Variants in FHIT observed in about 807,000 individuals in gnomAD.
FHIT encodes the protein fragile histidine triad diadenosine triphosphatase.
In FHIT, 19 loss-of-function variants were observed where a neutral mutation model predicts 17.9. The observed-to-expected ratio is 1.06, with a 90% CI of 0.74 to 1.56. The LOEUF (loss-of-function observed/expected upper bound fraction) is 1.56. Ranked by LOEUF, FHIT falls within the 40% of genes most tolerant of loss-of-function variation. The pLI, the probability that FHIT is intolerant of heterozygous loss-of-function variation, is 0.00. For missense variants in FHIT, 248 were observed against 189.2 expected (o/e 1.31, Z -1.82); for synonymous variants, 81 against 69.7 (o/e 1.16, Z -0.81).
chr3:60,655,504 T>C (rs1193191632), intron 4 of FHIT, among the ~76,000 whole-genome samples: 1 of 152,174 alleles, frequency 6.6e-6, no homozygotes, highest in Non-Finnish European at 1.5e-5. Flanking sequence ...AAATGCAGTG[T>C]ACGGAAATGA....
intron 8 of FHIT, among the ~76,000 whole-genome samples, chr3:59,828,467 C>T (rs1323994754): frequency 6.6e-6 from 1 of 152,198 alleles, no homozygotes; most frequent in Non-Finnish European, 1.5e-5. Context: ...TCTTTATACT[C>T]TGAAGCAAAG....
Position 60,752,791 on chromosome 3 carries a change from G to T in FHIT, c.-18+69128C>A, listed in dbSNP as rs188592033. Among the ~76,000 whole-genome samples, 514 of 152,186 alleles carry T rather than the reference G, an allele frequency of 3.4e-3. 3 individuals carry two copies. The highest frequency in any genetic ancestry group is 0.012 in the African/African-American group (481 of 41,514). Reference sequence around the variant, plus strand: ...CTCCCAATTCTATCACCCAGAAGAAGAGAAAGATGCCAAAACAGATCCCAC... The same window carrying T: ...CTCCCAATTCTATCACCCAGAAGAATAGAAAGATGCCAAAACAGATCCCAC... On this transcript the variant is annotated intron_variant, in intron 4 of 9. Coordinates refer to ENST00000492590, the MANE Select transcript of FHIT (RefSeq NM_002012.4).
In FHIT at chr3:60,139,363, G is replaced by A. The variant is rs538017215; in HGVS notation, c.104-125211C>T. Reference sequence around the variant, plus strand: ...TGAGTAAATGCACAGAAACATGACAGACTAATTTAACCAGAGAACTAAAAA... The same window carrying A: ...TGAGTAAATGCACAGAAACATGACAAACTAATTTAACCAGAGAACTAAAAA... On this transcript the variant is annotated intron_variant, in intron 5 of 9. Transcript: ENST00000492590. Among the ~76,000 whole-genome samples, 18 of 143,458 alleles carry A rather than the reference G, an allele frequency of 1.3e-4. No homozygotes were observed. In the South Asian group the frequency reaches 1.6e-3, roughly 13 times the overall value. The allele number at this position is 143,458 out of a possible 152,430, so 94.1% of individuals were successfully genotyped here.
At chr3:60,226,472 C>CAAAAAAAAAAAAAAAAAAAAAAA in intron 5 of FHIT, among the ~76,000 whole-genome samples, 1 of 70,148 alleles carries the variant, frequency 1.4e-5, no homozygotes, top group Non-Finnish European at 2.7e-5. Context: ...AACTCCGTCT[C>CAAAAAAAAAAAAAAAAAAAAAAA]AAAAAAAAAA....
chr3:60,802,013 CAT>C (rs1701209967), intron 4 of FHIT, among the ~76,000 whole-genome samples: 1 of 152,296 alleles, frequency 6.6e-6, no homozygotes, highest in Non-Finnish European at 1.5e-5. Context: ...GGGTTAGAAA[CAT>C]ATAATATCCA....
At chr3:60,372,590 C>T (rs759566411) in intron 5 of FHIT, among the ~76,000 whole-genome samples, 9 of 152,152 alleles carry the variant, frequency 5.9e-5, no homozygotes, top group South Asian at 2.1e-4. Flanking sequence ...AAGTTCGGGC[C>T]GATCTACTTC....
At chr3:60,600,068 G>A (rs1553668240) in intron 4 of FHIT, among the ~76,000 whole-genome samples, 2 of 152,198 alleles carry the variant, frequency 1.3e-5, no homozygotes, top group Admixed American at 6.5e-5. Context: ...CTTTAAGGAA[G>A]CAGCCACTTC....
intron 4 of FHIT, among the ~76,000 whole-genome samples, chr3:60,633,173 T>TCCTCCG (rs1379361240): frequency 6.6e-6 from 1 of 152,112 alleles, no homozygotes; most frequent in Admixed American, 6.5e-5. Context: ...GCCCAAAATA[T>TCCTCCG]CCTCAAAGAC....
intron 3 of FHIT, among the ~76,000 whole-genome samples, chr3:60,975,270 G>A (rs1279030597): frequency 6.6e-6 from 1 of 152,150 alleles, no homozygotes; most frequent in Admixed American, 6.5e-5. Flanking sequence ...ACTCTCTGGA[G>A]AGGCATCTAA....
chr3:60,631,911 T>C (rs2107774216), intron 4 of FHIT, among the ~76,000 whole-genome samples: 1 of 152,268 alleles, frequency 6.6e-6, no homozygotes, highest in Middle Eastern at 3.4e-3. Context: ...TAGCTGTTGT[T>C]TGTACCACAC....
chr3:60,564,922 G>A (rs936855879), intron 4 of FHIT, among the ~76,000 whole-genome samples: 1 of 152,058 alleles, frequency 6.6e-6, no homozygotes, highest in African/African-American at 2.4e-5. Flanking sequence ...TGAGTAAAAT[G>A]CTATTAAATA....
intron 5 of FHIT, among the ~76,000 whole-genome samples, chr3:60,352,257 G>A (rs1699443431): frequency 6.6e-6 from 1 of 152,128 alleles, no homozygotes; most frequent in Non-Finnish European, 1.5e-5. Context: ...AATATGCTAG[G>A]AGATTTTAAG....
intron 5 of FHIT, among the ~76,000 whole-genome samples, chr3:60,430,766 A>G (rs971384212): frequency 1.3e-5 from 2 of 152,054 alleles, no homozygotes; most frequent in Non-Finnish European, 2.9e-5. Context: ...ACATCTATGT[A>G]AGGTTCGATG....
chr3:60,329,120 A>C (rs960571046), intron 5 of FHIT, among the ~76,000 whole-genome samples: 2 of 152,208 alleles, frequency 1.3e-5, no homozygotes, highest in African/African-American at 4.8e-5. Context: ...ACCATGACAA[A>C]TAGTTGTTCT....
intron 4 of FHIT, among the ~76,000 whole-genome samples, chr3:60,652,750 A>T (rs2040022458): frequency 6.7e-6 from 1 of 148,886 alleles, no homozygotes; most frequent in African/African-American, 2.6e-5. Flanking sequence ...AAAAAAAAAA[A>T]AATTCAAAAA....
intron 8 of FHIT, among the ~76,000 whole-genome samples, chr3:59,864,097 C>T (rs1457050835): frequency 2.0e-5 from 3 of 152,072 alleles, no homozygotes; most frequent in Middle Eastern, 3.2e-3. Flanking sequence ...AGACAGTGAT[C>T]GGCCTATATT....
intron 8 of FHIT, among the ~76,000 whole-genome samples, chr3:59,843,460 C>A (rs1157928335): frequency 6.6e-6 from 1 of 151,984 alleles, no homozygotes; most frequent in South Asian, 2.1e-4. Context: ...AAAAAAGCAT[C>A]GTTGGAATTG....
chr3:59,936,252 A>G (rs1211590213), intron 7 of FHIT, among the ~76,000 whole-genome samples: 1 of 152,108 alleles, frequency 6.6e-6, no homozygotes, highest in East Asian at 1.9e-4. Context: ...TTTGTTAGAC[A>G]AAATATGAAG....
intron 8 of FHIT, among the ~76,000 whole-genome samples, chr3:59,819,645 CAT>C (rs1300184172): frequency 1.5e-4 from 23 of 152,178 alleles, no homozygotes; most frequent in Non-Finnish European, 2.8e-4. Flanking sequence ...CATCTAAATA[CAT>C]AGTCATATGT....
Sources: gnomAD v4.1 joint callset for allele counts (sites outside exome capture counted in the v4.1 genomes callset) on GRCh38, gnomAD v4.1.1 for gene constraint, MANE v1.5 for transcripts, NCBI Gene and HGNC (gene_info 2026-07-23, HGNC 2026-07-21) for gene names.